Variants in KLF13 observed in about 807,000 individuals in gnomAD.
KLF13 encodes KLF transcription factor 13.
In KLF13, 8 loss-of-function variants were observed where a neutral mutation model predicts 16.7. That is an observed-to-expected ratio of 0.48 (90% CI 0.28 to 0.87). The LOEUF is 0.87. Ranked by LOEUF, KLF13 falls within the 40% of genes least tolerant of loss-of-function variation. The probability of loss-of-function intolerance (pLI) is 0.10; values close to 1 mark genes in which losing one functional copy is unlikely to be tolerated. For missense variants in KLF13, 447 were observed against 452.2 expected (o/e 0.99, Z 0.10); for synonymous variants, 245 against 208.4 (o/e 1.18, Z -1.51).
At chr15:31,419,736 A>C (rs2040299181) in intron 1 of KLF13, among the ~76,000 whole-genome samples, 1 of 152,216 alleles carries the variant, frequency 6.6e-6, no homozygotes, top group Non-Finnish European at 1.5e-5. Context: ...AAGAGAGCAA[A>C]GGGCAGAGAG....
chr15:31,346,329 C>A (rs1466151699), intron 1 of KLF13, among the ~76,000 whole-genome samples: 3 of 152,252 alleles, frequency 2.0e-5, no homozygotes, highest in Non-Finnish European at 4.4e-5. Flanking sequence ...GGCCACAGGC[C>A]TGAGCTCCTG....
intron 1 of KLF13, among the ~76,000 whole-genome samples, chr15:31,385,602 T>C (rs968659857): frequency 1.3e-5 from 2 of 152,232 alleles, no homozygotes; most frequent in African/African-American, 4.8e-5. Flanking sequence ...ATCAGTGATC[T>C]TTGATGTTAC....
chr15:31,410,319 A>G (rs953522576), intron 1 of KLF13, among the ~76,000 whole-genome samples: 14 of 152,134 alleles, frequency 9.2e-5, no homozygotes, highest in African/African-American at 3.4e-4. Context: ...ACTGCATTAA[A>G]AAAAGGAAAG....
At chr15:31,370,286 G>A (rs1339523644) in intron 1 of KLF13, among the ~76,000 whole-genome samples, 1 of 151,874 alleles carries the variant, frequency 6.6e-6, no homozygotes, top group East Asian at 1.9e-4. Flanking sequence ...ACGGAACATC[G>A]TGACATCCAC....
At chr15:31,434,092 A>G (rs2040502616) in intron 1 of KLF13, among the ~76,000 whole-genome samples, 1 of 152,174 alleles carries the variant, frequency 6.6e-6, no homozygotes, top group African/African-American at 2.4e-5. Flanking sequence ...GAGGCCTGCC[A>G]TCATTGCCAC....
chr15:31,335,367 T>G (rs1191853729), intron 1 of KLF13, among the ~76,000 whole-genome samples: 1 of 151,294 alleles, frequency 6.6e-6, no homozygotes, highest in Non-Finnish European at 1.5e-5. Context: ...CCACACTGCT[T>G]CAGTTCCCCT....
intron 1 of KLF13, among the ~76,000 whole-genome samples, chr15:31,342,939 C>T (rs1005214467): frequency 9.2e-5 from 14 of 152,230 alleles, no homozygotes; most frequent in Non-Finnish European, 1.3e-4. Flanking sequence ...GCATGGCCTT[C>T]CTCGCTCTCC....
intron 1 of KLF13, among the ~76,000 whole-genome samples, chr15:31,336,883 A>T (rs1348015653): frequency 6.6e-6 from 1 of 152,166 alleles, no homozygotes; most frequent in Non-Finnish European, 1.5e-5. Context: ...GCACCTGGGC[A>T]TCATAGCAAC....
At chr15:31,413,187 C>CAAAGAAAAA (rs2040214735) in intron 1 of KLF13, among the ~76,000 whole-genome samples, 1 of 63,350 alleles carries the variant, frequency 1.6e-5, no homozygotes, top group African/African-American at 4.5e-5. Flanking sequence ...AATGAATAGA[C>CAAAGAAAAA]AAAAAAAAAA....
At chr15:31,406,187 T>C (rs564882574), downstream of KLF13, among the ~76,000 whole-genome samples, 1 of 152,216 alleles carries the variant, frequency 6.6e-6, no homozygotes, top group African/African-American at 2.4e-5. Context: ...GGTGTCAAAA[T>C]GTGTCTGATA....
downstream of KLF13, among the ~76,000 whole-genome samples, chr15:31,380,034 A>G (rs909397299): frequency 6.6e-6 from 1 of 152,210 alleles, no homozygotes; most frequent in African/African-American, 2.4e-5. Context: ...GCAGTGGTTC[A>G]CGCCTGTAAT....
In KLF13 at chr15:31,356,317, G is replaced by A. The variant is rs1200715289; in HGVS notation, c.578-15693G>A. On this transcript the variant is annotated intron_variant, in intron 1 of 1. Coordinates refer to ENST00000307145, the MANE Select transcript of KLF13 (RefSeq NM_015995.4). Reference sequence around the variant, plus strand: ...ACCTATAATCCCAGCACTTTGGGAGGCCAAGGTGAATGGATCACCTGAGGT... The same window carrying A: ...ACCTATAATCCCAGCACTTTGGGAGACCAAGGTGAATGGATCACCTGAGGT... 2.0e-5 allele frequency among the ~76,000 whole-genome samples: 3 copies of A among 152,192 alleles called. No individual in the cohort carries two copies. In the East Asian group the frequency reaches 5.8e-4, roughly 29 times the overall value.
downstream of KLF13, among the ~76,000 whole-genome samples, chr15:31,405,172 T>G (rs1488599327): frequency 2.0e-5 from 3 of 152,040 alleles, no homozygotes; most frequent in African/African-American, 7.2e-5. Context: ...AACAAGAGCC[T>G]GCGTAGTGGT....
intron 1 of KLF13, among the ~76,000 whole-genome samples, chr15:31,333,129 A>G (rs58566807): frequency 0.31 from 47,474 of 151,288 alleles, 7,618 homozygotes; most frequent in Non-Finnish European, 0.33. Flanking sequence ...GCCAGGCATC[A>G]TTCTGTTTGT....
chr15:31,434,974 T>C (rs1163524086), intron 1 of KLF13, among the ~76,000 whole-genome samples: 2 of 152,234 alleles, frequency 1.3e-5, no homozygotes, highest in Non-Finnish European at 2.9e-5. Flanking sequence ...TGAAATCATG[T>C]TCAAAACCAC....
intron 1 of KLF13, among the ~76,000 whole-genome samples, chr15:31,367,397 G>A (rs1350545017): frequency 6.6e-6 from 1 of 152,234 alleles, no homozygotes; most frequent in Non-Finnish European, 1.5e-5. Context: ...AAAGCATAAA[G>A]CTCCTGATAT....
intron 1 of KLF13, among the ~76,000 whole-genome samples, chr15:31,360,351 T>C (rs1336855829): frequency 6.6e-6 from 1 of 152,172 alleles, no homozygotes; most frequent in Non-Finnish European, 1.5e-5. Context: ...TCTCCCCACA[T>C]GGCAGGCAGT....
intron 1 of KLF13, among the ~76,000 whole-genome samples, chr15:31,357,493 T>C (rs2039317878): frequency 1.3e-5 from 2 of 152,232 alleles, no homozygotes; most frequent in Admixed American, 1.3e-4. Context: ...GGCCATCTCC[T>C]TCCGGGTTTT....
intron 1 of KLF13, chr15:31,420,454 C>T (rs2141007667): frequency 1.2e-6 from 1 of 852,262 alleles, no homozygotes; most frequent in African/African-American, 1.7e-5. Context: ...ACATAGACAC[C>T]CAGGGTAACA....
Sources: allele counts gnomAD v4.1 joint callset (sites outside exome capture counted in the v4.1 genomes callset), GRCh38; gene constraint gnomAD v4.1.1; transcripts MANE v1.5; gene names NCBI Gene and HGNC (gene_info 2026-07-23, HGNC 2026-07-21).